ATOSA: variants seen among roughly 807,000 people sequenced by gnomAD.
ATOSA encodes the protein atos homolog A.
chr15:52,590,087 C>A, the ATOSA span, among the ~76,000 whole-genome samples: 1 of 151,976 alleles, frequency 6.6e-6, no homozygotes, highest in Non-Finnish European at 1.5e-5. Context: ...CATGCCCGGC[C>A]CTTCTTCTGG....
chr15:52,616,915 G>T, the ATOSA span, among the ~76,000 whole-genome samples: 2 of 152,202 alleles, frequency 1.3e-5, no homozygotes, highest in Admixed American at 1.3e-4. Flanking sequence ...TACTGAGACA[G>T]AACTCTGTAT....
At chr15:52,694,699 G>A in the ATOSA span, among the ~76,000 whole-genome samples, 106 of 151,604 alleles carry the variant, frequency 7.0e-4, no homozygotes, top group African/African-American at 2.5e-3. Context: ...TTGACCTCAC[G>A]CCCTATTATC....
At chr15:52,588,717 G>A in the ATOSA span, among the ~76,000 whole-genome samples, 2 of 152,342 alleles carry the variant, frequency 1.3e-5, no homozygotes, top group Admixed American at 1.3e-4. Context: ...CACCCAAAGT[G>A]CTGGGATGAC....
At chr15:52,662,225 A>C in the ATOSA span, among the ~76,000 whole-genome samples, 1 of 152,128 alleles carries the variant, frequency 6.6e-6, no homozygotes, top group Non-Finnish European at 1.5e-5. Flanking sequence ...AAGAAGATAC[A>C]TCTCTACTCT....
the ATOSA span, among the ~76,000 whole-genome samples, chr15:52,683,220 T>C: frequency 6.6e-6 from 1 of 152,148 alleles, no homozygotes; most frequent in African/African-American, 2.4e-5. Context: ...ACATATATAT[T>C]TGATCCAAAG....
At chr15:52,609,291 G>A in the ATOSA span, 1 of 1,613,936 alleles carries the variant, frequency 6.2e-7, no homozygotes, top group Non-Finnish European at 8.5e-7. Flanking sequence ...TGTGAGAAAT[G>A]GAAACTGAGG....
At chr15:52,707,849 G>A in the ATOSA span, among the ~76,000 whole-genome samples, 1 of 152,164 alleles carries the variant, frequency 6.6e-6, no homozygotes, top group African/African-American at 2.4e-5. Flanking sequence ...AAGTATGTTT[G>A]TAAGAATGAG....
At chr15:52,705,962 A>T in the ATOSA span, among the ~76,000 whole-genome samples, 1 of 152,102 alleles carries the variant, frequency 6.6e-6, no homozygotes, top group African/African-American at 2.4e-5. Flanking sequence ...ATATACCATA[A>T]TTTATTTACC....
chr15:52,591,991 A>AAG, the ATOSA span, among the ~76,000 whole-genome samples: 57 of 152,178 alleles, frequency 3.7e-4, no homozygotes, highest in Non-Finnish European at 7.5e-4. Context: ...AGTGTCAAAC[A>AAG]CTAATCAAGC....
chr15:52,668,529 T>G, the ATOSA span, among the ~76,000 whole-genome samples: 1 of 152,136 alleles, frequency 6.6e-6, no homozygotes, highest in African/African-American at 2.4e-5. Context: ...GTATTATATA[T>G]TATAAAATAG....
At chr15:52,677,971 T>TG in the ATOSA span, 5 of 1,613,584 alleles carry the variant, frequency 3.1e-6, no homozygotes, top group Non-Finnish European at 4.2e-6. Context: ...AAGAAGGGGG[T>TG]GGGGGAACAA....
At chr15:52,597,143 CTATTT>C in the ATOSA span, among the ~76,000 whole-genome samples, 4 of 151,608 alleles carry the variant, frequency 2.6e-5, no homozygotes, top group African/African-American at 9.7e-5. Context: ...TTAAACTATT[CTATTT>C]TATTCTGTTC....
chr15:52,622,578 G>A, the ATOSA span, among the ~76,000 whole-genome samples: 1 of 152,156 alleles, frequency 6.6e-6, no homozygotes, highest in Non-Finnish European at 1.5e-5. Flanking sequence ...TAAGTACTAT[G>A]CCATAATTAT....
chr15:52,665,683 A>C, the ATOSA span, among the ~76,000 whole-genome samples: 1 of 152,258 alleles, frequency 6.6e-6, no homozygotes, highest in Non-Finnish European at 1.5e-5. Flanking sequence ...ATTTAAGTTA[A>C]AGGAATGTTC....
At chr15:52,639,274 C>A in the ATOSA span, among the ~76,000 whole-genome samples, 2 of 151,546 alleles carry the variant, frequency 1.3e-5, no homozygotes, top group Non-Finnish European at 2.9e-5. Context: ...GTATTACAAG[C>A]AAAAAAAACT....
the ATOSA span, chr15:52,629,787 G>A: frequency 6.3e-6 from 1 of 159,238 alleles, no homozygotes; most frequent in Non-Finnish European, 1.4e-5. Context: ...GGGCAACAGA[G>A]CAAGACTCCA....
At chr15:52,669,861 G>A in the ATOSA span, among the ~76,000 whole-genome samples, 1 of 152,206 alleles carries the variant, frequency 6.6e-6, no homozygotes, top group Non-Finnish European at 1.5e-5. Flanking sequence ...GGAAGCAGAA[G>A]GGCCATGCTC....
chr15:52,667,583 A>C, the ATOSA span, among the ~76,000 whole-genome samples: 1 of 152,216 alleles, frequency 6.6e-6, no homozygotes, highest in Non-Finnish European at 1.5e-5. Flanking sequence ...GAGAGGAAAA[A>C]AGGCCTTGGT....
chr15:52,603,699 C>T, the ATOSA span, among the ~76,000 whole-genome samples: 1 of 152,132 alleles, frequency 6.6e-6, no homozygotes, highest in African/African-American at 2.4e-5. Context: ...AACTGAAGGA[C>T]ATTATGCTAA....
Sources: gnomAD v4.1 joint callset for allele counts (sites outside exome capture counted in the v4.1 genomes callset) on GRCh38, gnomAD v4.1.1 for gene constraint, MANE v1.5 for transcripts, NCBI Gene and HGNC (gene_info 2026-07-23, HGNC 2026-07-21) for gene names.